AGO4: variants seen among roughly 807,000 people sequenced by gnomAD.
The protein encoded by AGO4 is argonaute RISC component 4.
Under a neutral mutation model 104.7 loss-of-function variants are expected in AGO4, and 33 were observed. The observed-to-expected ratio is 0.32, with a 90% CI of 0.24 to 0.42. The LOEUF (loss-of-function observed/expected upper bound fraction) is 0.42. Among genes scored for constraint, AGO4 ranks in the 10% least tolerant of loss-of-function variants. AGO4 has a pLI of 1.00. For synonymous variants in AGO4, 331 were observed against 364.7 expected (o/e 0.91, Z 1.05); for missense variants, 711 against 1,083.4 (o/e 0.66, Z 4.83).
intron 13 of AGO4, among the ~76,000 whole-genome samples, chr1:35,836,505 G>A (rs1644316971): frequency 1.3e-5 from 2 of 152,230 alleles, no homozygotes; most frequent in African/African-American, 4.8e-5. Flanking sequence ...CGCCTCCCGG[G>A]TTCACGCCAT....
At position 35,832,579 on chromosome 1, in the gene AGO4, C is replaced by G. The variant is rs765809632; in HGVS notation, c.1379+9C>G. 6.2e-7 allele frequency: 1 copy of G among 1,611,684 alleles called. No individual in the cohort carries two copies. Among genetic ancestry groups the G allele is most frequent in the Non-Finnish European group, 8.5e-7 (1 of 1,179,262 alleles). Reference sequence around the variant, plus strand: ...AGGGAAGATTTACTAAAGTGAGTATCTTCATATTTTCAGCTTAGTAATATC... The same window carrying G: ...AGGGAAGATTTACTAAAGTGAGTATGTTCATATTTTCAGCTTAGTAATATC... On this transcript the variant is annotated intron_variant, in intron 11 of 17. Transcript: ENST00000373210.
chr1:35,843,687 T>C (rs1222815849), intron 15 of AGO4, among the ~76,000 whole-genome samples: 1 of 152,204 alleles, frequency 6.6e-6, no homozygotes, highest in African/African-American at 2.4e-5. Flanking sequence ...TCTTAGACTT[T>C]GCTAATACAA....
At chr1:35,819,080 A>G (rs1643823074) in intron 2 of AGO4, among the ~76,000 whole-genome samples, 1 of 152,156 alleles carries the variant, frequency 6.6e-6, no homozygotes, top group African/African-American at 2.4e-5. Flanking sequence ...GATCCTGCAA[A>G]TATTTTCATA....
At chr1:35,819,079 A>G (rs2148655005) in intron 2 of AGO4, among the ~76,000 whole-genome samples, 1 of 152,318 alleles carries the variant, frequency 6.6e-6, no homozygotes, top group East Asian at 1.9e-4. Context: ...AGATCCTGCA[A>G]ATATTTTCAT....
At position 35,822,952 on chromosome 1, in the gene AGO4, A is replaced by G. The variant is rs567727280; in HGVS notation, c.276A>G (p.Thr92=). 28 of 1,614,132 alleles carry G rather than the reference A, an allele frequency of 1.7e-5. No individual in the cohort carries two copies. In the East Asian group the frequency reaches 5.6e-4, roughly 32 times the overall value. Residue 92 remains threonine, a synonymous_variant, in exon 3 of 18, where the codon ACA becomes ACG. Transcript: ENST00000373210. ...PGYDGKRNMY[T]AHPLPIGRDR... ...ATGATGGCAAAAGAAACATGTACAC[A>G]GCACATCCACTACCAATTGGACGGG...
At chr1:35,847,917 A>G (rs1644611601) in intron 15 of AGO4, among the ~76,000 whole-genome samples, 1 of 152,120 alleles carries the variant, frequency 6.6e-6, no homozygotes, top group East Asian at 1.9e-4. Flanking sequence ...TTCTTATACA[A>G]ATAATGTGCA....
intron 7 of AGO4, among the ~76,000 whole-genome samples, chr1:35,831,216 G>A (rs1193238098): frequency 6.6e-6 from 1 of 151,928 alleles, no homozygotes. Context: ...ACAAAAATTA[G>A]CTGGGCATGG....
At chr1:35,849,383 T>C (rs1304144578) in intron 15 of AGO4, among the ~76,000 whole-genome samples, 1 of 151,916 alleles carries the variant, frequency 6.6e-6, no homozygotes, top group Admixed American at 6.6e-5. Context: ...TTTTTATTAT[T>C]AATAAAGTAT....
chr1:35,839,229 G>A (rs775301302), intron 13 of AGO4, among the ~76,000 whole-genome samples: 4 of 151,902 alleles, frequency 2.6e-5, no homozygotes, highest in Non-Finnish European at 4.4e-5. Flanking sequence ...CAATCCACCC[G>A]CTCAGCCTCC....
At chr1:35,850,020 A>C in intron 15 of AGO4, 137 bp from the exon 16 acceptor site, 1 of 601,116 alleles carries the variant, frequency 1.7e-6, no homozygotes, top group Non-Finnish European at 2.9e-6. Flanking sequence ...CAGAGGATTC[A>C]ACATCTTGAA....
At chr1:35,852,455 GTTA>G (rs1644724992) in intron 17 of AGO4, among the ~76,000 whole-genome samples, 2 of 152,230 alleles carry the variant, frequency 1.3e-5, no homozygotes, top group African/African-American at 2.4e-5. Context: ...GTTCAGAGGA[GTTA>G]TTATGTGTCC....
intron 17 of AGO4, among the ~76,000 whole-genome samples, chr1:35,853,207 C>A (rs192233133): frequency 2.0e-5 from 3 of 146,612 alleles, no homozygotes; most frequent in Non-Finnish European, 4.5e-5. Flanking sequence ...GCCGAGATTG[C>A]GCCACTGAAC....
chr1:35,851,131 T>C (rs1644693476), intron 17 of AGO4, 78 bp downstream of exon 17: 2 of 1,381,356 alleles, frequency 1.4e-6, no homozygotes, highest in Non-Finnish European at 2.0e-6. Flanking sequence ...TAGAAAACTT[T>C]TTTAAGGATT....
Position 35,835,192 on chromosome 1 carries a change from G to A in AGO4, c.1565-642G>A, listed in dbSNP as rs1033211440. On this transcript the variant is annotated intron_variant, in intron 12 of 17. Transcript: ENST00000373210. Reference sequence around the variant, plus strand: ...CTGCCTCAGCCCCCCCAAGTACTGGGACTACAGGCACGTGCCATCACACCC... The same window carrying A: ...CTGCCTCAGCCCCCCCAAGTACTGGAACTACAGGCACGTGCCATCACACCC... Among the ~76,000 whole-genome samples the A allele has an allele frequency of 6.6e-5, 10 of 151,778 alleles. No homozygotes were observed. The Middle Eastern group carries it at 0.01, about 155-fold the overall frequency.
chr1:35,847,391 G>A (rs1644597659), intron 15 of AGO4, among the ~76,000 whole-genome samples: 1 of 152,066 alleles, frequency 6.6e-6, no homozygotes, highest in South Asian at 2.1e-4. Context: ...ATGCCACCAT[G>A]CCCAGCTAAT....
rs1409656954 is a variant in AGO4 at position 35,808,119 on chromosome 1, C to G, written c.-298C>G. On this transcript the variant is annotated 5_prime_UTR_variant, in exon 1 of 18. Coordinates refer to ENST00000373210, the MANE Select transcript of AGO4 (RefSeq NM_017629.4). The surrounding 1 kb of genome is among the most constrained non-coding windows in gnomAD (Gnocchi z 5.2). ...GGACCCTGGGTCCGCGCACCCCGCG[C>G]CCCCTTCCCTCCCGGCGGGCGCGCG... 3.9e-5 allele frequency: 6 copies of G among 152,276 alleles called. No individual in the cohort carries two copies. In the South Asian group the frequency reaches 5.3e-4, roughly 13 times the overall value. 9.4% of individuals were successfully genotyped at this position (152,276 alleles called of 1,614,324 possible).
chr1:35,850,793 A>AAC lies in AGO4; in HGVS notation c.2278-60_2278-59insCA. 3 of 1,075,980 alleles carry AAC rather than the reference A, an allele frequency of 2.8e-6. No individual in the cohort carries two copies. In the East Asian group the frequency reaches 7.9e-5, roughly 28 times the overall value. The allele number at this position is 1,075,980 out of a possible 1,614,324, so 66.7% of individuals were successfully genotyped here. A position where few individuals can be genotyped will look rare whatever the true frequency, so the allele number is the denominator to read the frequency against. On this transcript the variant is annotated intron_variant, in intron 16 of 17. Transcript: ENST00000373210. ...GAGACTCCATCTCAAAAAAAAAAAAAAAAAAACAAAAACAAAAAACGAACA... is the reference window on the plus strand; with the variant it reads ...GAGACTCCATCTCAAAAAAAAAAAAAACAAAAAACAAAAACAAAAAACGAACA...
At chr1:35,839,657 G>A (rs755044590) in intron 13 of AGO4, among the ~76,000 whole-genome samples, 16 of 151,966 alleles carry the variant, frequency 1.1e-4, no homozygotes, top group Non-Finnish European at 1.8e-4. Context: ...ATATATGTCC[G>A]CTGTTATTAA....
intron 7 of AGO4, among the ~76,000 whole-genome samples, chr1:35,828,985 C>G (rs1295561370): frequency 6.6e-6 from 1 of 151,972 alleles, no homozygotes; most frequent in African/African-American, 2.4e-5. Flanking sequence ...ATACAGTATA[C>G]ACTTTACTAC....
Sources: gnomAD v4.1 joint callset for allele counts (sites outside exome capture counted in the v4.1 genomes callset) on GRCh38, gnomAD v4.1.1 for gene constraint, Gnocchi (gnomAD v3.1) non-coding constraint, MANE v1.5 for transcripts, NCBI Gene and HGNC (gene_info 2026-07-23, HGNC 2026-07-21) for gene names.